Variants in DSCAM observed in about 807,000 individuals in gnomAD.
DSCAM encodes DS cell adhesion molecule.
Under a neutral mutation model 217.7 loss-of-function variants are expected in DSCAM, and 47 were observed. That is an observed-to-expected ratio of 0.22 (90% CI 0.17 to 0.28). DSCAM has a LOEUF of 0.28. Ranked by LOEUF, DSCAM falls within the 10% of genes least tolerant of loss-of-function variation. The pLI is 1.00. For synonymous variants in DSCAM, 1,056 were observed against 1,015.3 expected, an observed-to-expected ratio of 1.04 and a Z score of -0.76; for missense variants, 2,080 against 2,618.3, an observed-to-expected ratio of 0.79 and a Z score of 4.49.
chr21:40,537,905 C>T (rs180740106), intron 3 of DSCAM, among the ~76,000 whole-genome samples: 2 of 152,288 alleles, frequency 1.3e-5, no homozygotes, highest in East Asian at 1.9e-4. Context: ...AAGCACCTTT[C>T]GCATTATATG....
At chr21:40,308,879 C>A (rs988136396) in intron 9 of DSCAM, among the ~76,000 whole-genome samples, 1 of 152,126 alleles carries the variant, frequency 6.6e-6, no homozygotes, top group Non-Finnish European at 1.5e-5. Flanking sequence ...CTATAATTTT[C>A]AATCATTTCT....
At chr21:40,113,317 G>A (rs538813917) in intron 20 of DSCAM, among the ~76,000 whole-genome samples, 2 of 152,208 alleles carry the variant, frequency 1.3e-5, no homozygotes, top group African/African-American at 4.8e-5. Context: ...AAAACCACAT[G>A]ATTATCTCAA....
At chr21:40,045,542 A>G (rs1217860522) in intron 30 of DSCAM, among the ~76,000 whole-genome samples, 1 of 152,234 alleles carries the variant, frequency 6.6e-6, no homozygotes, top group African/African-American at 2.4e-5. Flanking sequence ...ACTGTCAGGT[A>G]CCAGAATGGG....
intron 1 of DSCAM, among the ~76,000 whole-genome samples, chr21:40,830,570 G>A (rs1045795958): frequency 6.6e-6 from 1 of 152,200 alleles, no homozygotes; most frequent in African/African-American, 2.4e-5. Flanking sequence ...AAGTGCAGGA[G>A]TTCTGGAATT....
intron 2 of DSCAM, 79 bp from the exon 3 acceptor site, chr21:40,693,035 A>G (rs963298692): frequency 1.2e-5 from 18 of 1,445,592 alleles, no homozygotes; most frequent in Non-Finnish European, 1.6e-5. Context: ...TAATATATAC[A>G]CTGCAGCACA....
intron 20 of DSCAM, among the ~76,000 whole-genome samples, chr21:40,106,790 T>C (rs547180043): frequency 6.6e-6 from 1 of 152,224 alleles, no homozygotes; most frequent in East Asian, 1.9e-4. Flanking sequence ...GATGGTTGTT[T>C]GTATTTCTGT....
intron 3 of DSCAM, among the ~76,000 whole-genome samples, chr21:40,548,438 T>A (rs778091364): frequency 5.9e-5 from 9 of 152,006 alleles, no homozygotes; most frequent in Non-Finnish European, 1.0e-4. Flanking sequence ...AGTAGGTGAC[T>A]GGTAATGACC....
intron 32 of DSCAM, among the ~76,000 whole-genome samples, chr21:40,032,090 G>A (rs1049339566): frequency 6.6e-6 from 1 of 152,176 alleles, no homozygotes; most frequent in African/African-American, 2.4e-5. Context: ...GATTCAAGAT[G>A]CACATTGTTG....
Position 40,324,356 on chromosome 21 carries a change from A to G in DSCAM, c.1784-11997T>C, listed in dbSNP as rs140064805. On this transcript the variant is annotated intron_variant, in intron 8 of 32. Coordinates refer to ENST00000400454, the MANE Select transcript of DSCAM (RefSeq NM_001389.5). ...AAAGGGAAAAAATAAACTACTTGAA[A>G]TTTGGGGGCGTAAAAGAGTAAAACA... is the stretch of plus-strand genomic sequence containing the variant. Among the ~76,000 whole-genome samples the G allele has an allele frequency of 2.1e-4, 32 of 152,208 alleles. 1 individual carries two copies. In the East Asian group the frequency reaches 6.2e-3, roughly 29 times the overall value.
intron 1 of DSCAM, among the ~76,000 whole-genome samples, chr21:40,715,348 T>C (rs1039843428): frequency 3.3e-5 from 5 of 152,226 alleles, no homozygotes; most frequent in African/African-American, 1.2e-4. Flanking sequence ...GTTTTTCTCT[T>C]GGTCTCCATC....
At chr21:40,693,754 G>C (rs2090566365) in intron 2 of DSCAM, among the ~76,000 whole-genome samples, 1 of 152,134 alleles carries the variant, frequency 6.6e-6, no homozygotes, top group Non-Finnish European at 1.5e-5. Flanking sequence ...ATTGTTTAGG[G>C]AAGGATGTTG....
chr21:40,540,651 G>T (rs944535869), intron 3 of DSCAM, among the ~76,000 whole-genome samples: 2 of 152,124 alleles, frequency 1.3e-5, no homozygotes, highest in Admixed American at 6.5e-5. Context: ...ATGAACAAAA[G>T]AGAGGGGGTG....
intron 18 of DSCAM, among the ~76,000 whole-genome samples, chr21:40,142,106 GC>G (rs1047672052): frequency 6.6e-6 from 1 of 151,860 alleles, no homozygotes; most frequent in African/African-American, 2.4e-5. Flanking sequence ...CCTCCTGAGT[GC>G]CCCCCTCCAT....
chr21:40,555,942 C>A (rs1389386238), intron 3 of DSCAM, among the ~76,000 whole-genome samples: 1 of 152,076 alleles, frequency 6.6e-6, no homozygotes, highest in East Asian at 1.9e-4. Context: ...TACAGCTCAA[C>A]TGAGGTAGGG....
intron 32 of DSCAM, among the ~76,000 whole-genome samples, chr21:40,041,412 T>C (rs985128247): frequency 1.3e-5 from 2 of 152,142 alleles, no homozygotes; most frequent in Admixed American, 6.5e-5. Context: ...TTTACAAATA[T>C]CCAAGCCAAC....
At chr21:40,636,378 G>A (rs1318722512) in intron 3 of DSCAM, among the ~76,000 whole-genome samples, 1 of 151,978 alleles carries the variant, frequency 6.6e-6, no homozygotes, top group African/African-American at 2.4e-5. Flanking sequence ...GAGAGAGAGG[G>A]AGAGAGAGAG....
intron 3 of DSCAM, among the ~76,000 whole-genome samples, chr21:40,577,858 C>T (rs2076867104): frequency 6.6e-6 from 1 of 152,126 alleles, no homozygotes; most frequent in African/African-American, 2.4e-5. Context: ...AGACGAAATC[C>T]TGGGAACTGC....
intron 11 of DSCAM, among the ~76,000 whole-genome samples, chr21:40,226,507 C>T (rs981599819): frequency 6.6e-5 from 10 of 151,902 alleles, no homozygotes; most frequent in African/African-American, 1.5e-4. Context: ...TATTTGGCTA[C>T]GAAATGAAAG....
At chr21:40,323,043 GCT>G (rs1433909049) in intron 8 of DSCAM, among the ~76,000 whole-genome samples, 1 of 152,126 alleles carries the variant, frequency 6.6e-6, no homozygotes, top group East Asian at 1.9e-4. Context: ...CCAAGGACAG[GCT>G]CTTTTTTGGA....
Sources: allele counts gnomAD v4.1 joint callset (sites outside exome capture counted in the v4.1 genomes callset), GRCh38; gene constraint gnomAD v4.1.1; transcripts MANE v1.5; gene names NCBI Gene and HGNC (gene_info 2026-07-23, HGNC 2026-07-21).